The following GABRA5 variants were observed in gnomAD, a reference collection of about 807,000 sequenced individuals.
GABRA5 encodes gamma-aminobutyric acid receptor subunit alpha-5.
A neutral mutation model predicts 47.3 loss-of-function variants in GABRA5; 18 were observed. The ratio of observed to expected loss-of-function variants is 0.38; its 90% CI spans 0.26 to 0.56. The LOEUF (loss-of-function observed/expected upper bound fraction) is 0.56, where lower values mean the gene tolerates loss of function less well. GABRA5 is among the 20% of genes least tolerant of loss of function. The pLI, the probability that GABRA5 is intolerant of heterozygous loss-of-function variation, is 0.71. For missense variants in GABRA5, 365 were observed against 599.3 expected, an observed-to-expected ratio of 0.61 and a Z score of 4.08; for synonymous variants, 237 against 229.3, an observed-to-expected ratio of 1.03 and a Z score of -0.30.
intron 7 of GABRA5, 145 bp downstream of exon 7, chr15:26,915,030 C>T (rs933808603): frequency 7.2e-6 from 5 of 692,240 alleles, no homozygotes; most frequent in African/African-American, 1.8e-5. Flanking sequence ...ATTGTTCTCC[C>T]CAGACTAGCT....
chr15:26,921,870 GTTAT>G (rs1418606447), intron 7 of GABRA5, among the ~76,000 whole-genome samples: 1 of 151,978 alleles, frequency 6.6e-6, no homozygotes, highest in African/African-American at 2.4e-5. Context: ...TTAGATATAT[GTTAT>G]TTAGTTTCCA....
chr15:26,944,426 T>C (rs1236339846), intron 10 of GABRA5, among the ~76,000 whole-genome samples: 1 of 152,194 alleles, frequency 6.6e-6, no homozygotes, highest in Admixed American at 6.5e-5. Context: ...GAAGCCCCAC[T>C]TCCAAGCCTA....
intron 1 of GABRA5, among the ~76,000 whole-genome samples, chr15:26,868,364 C>T (rs1426381309): frequency 6.6e-6 from 1 of 151,148 alleles, no homozygotes; most frequent in Non-Finnish European, 1.5e-5. Flanking sequence ...CTCCCAATTC[C>T]GGAGTTTGCG....
chr15:26,904,083 GT>G (rs1162962771), intron 6 of GABRA5, among the ~76,000 whole-genome samples: 2 of 151,980 alleles, frequency 1.3e-5, no homozygotes, highest in African/African-American at 4.8e-5. Flanking sequence ...GTCTTGTAGG[GT>G]TTTTATAGTT....
chr15:26,887,604 G>A (rs768236198), intron 6 of GABRA5, among the ~76,000 whole-genome samples: 3 of 151,952 alleles, frequency 2.0e-5, no homozygotes, highest in Non-Finnish European at 2.9e-5. Flanking sequence ...CACCCACATC[G>A]GCCTCCCAAA....
intron 6 of GABRA5, among the ~76,000 whole-genome samples, chr15:26,898,800 T>A (rs1466287477): frequency 6.6e-6 from 1 of 152,114 alleles, no homozygotes; most frequent in Non-Finnish European, 1.5e-5. Context: ...AAATCGTTTT[T>A]CGTTTTTAAT....
intron 3 of GABRA5, among the ~76,000 whole-genome samples, chr15:26,876,245 G>A (rs1376965135): frequency 6.6e-6 from 1 of 152,262 alleles, no homozygotes; most frequent in East Asian, 1.9e-4. Context: ...GAATGTAGAG[G>A]TCTGGAGGAC....
chr15:26,889,214 A>G (rs1364082182), intron 6 of GABRA5, among the ~76,000 whole-genome samples: 3 of 152,192 alleles, frequency 2.0e-5, no homozygotes, highest in African/African-American at 7.2e-5. Flanking sequence ...GATTTTCCCC[A>G]TGAGTGGAAA....
chr15:26,896,422 GT>G, intron 6 of GABRA5, among the ~76,000 whole-genome samples: 1 of 152,250 alleles, frequency 6.6e-6, no homozygotes, highest in African/African-American at 2.4e-5. Context: ...AACCCAGTGG[GT>G]TTCAATTAAT....
At chr15:26,902,768 T>C (rs898927565) in intron 6 of GABRA5, among the ~76,000 whole-genome samples, 1 of 152,122 alleles carries the variant, frequency 6.6e-6, no homozygotes, top group Non-Finnish European at 1.5e-5. Flanking sequence ...TGATGTTAGC[T>C]GTAGGTTTAT....
intron 3 of GABRA5, among the ~76,000 whole-genome samples, chr15:26,870,088 G>T (rs1021189731): frequency 1.3e-5 from 2 of 152,208 alleles, no homozygotes; most frequent in African/African-American, 2.4e-5. Flanking sequence ...GAAGTTGATG[G>T]CATATAATTA....
At chr15:26,924,263 T>C (rs1019739104) in intron 7 of GABRA5, among the ~76,000 whole-genome samples, 4 of 151,268 alleles carry the variant, frequency 2.6e-5, no homozygotes, top group African/African-American at 9.7e-5. Flanking sequence ...CCTCTATTGA[T>C]ACAAGAGTTC....
intron 7 of GABRA5, among the ~76,000 whole-genome samples, chr15:26,930,895 CTTTTTTT>C (rs555799476): frequency 1.7e-5 from 2 of 115,036 alleles, no homozygotes; most frequent in African/African-American, 3.4e-5. Context: ...TCTTTCTTTT[CTTTTTTT>C]TTTTTTTTTT....
chr15:26,938,147 A>G (rs142898610), intron 8 of GABRA5, among the ~76,000 whole-genome samples: 1 of 152,356 alleles, frequency 6.6e-6, no homozygotes, highest in East Asian at 1.9e-4. Context: ...CCGAGCACAC[A>G]GGCCATTTAG....
rs34555853 is a variant in GABRA5, at chr15:26,884,018, C to CAA, written c.497+469_497+470dup. 4.1e-3 allele frequency among the ~76,000 whole-genome samples: 611 copies of CAA among 148,550 alleles called. 2 individuals are homozygous for CAA. Among genetic ancestry groups the CAA allele is most frequent in the African/African-American group, 0.013 (544 of 40,324 alleles). On this transcript the variant is annotated intron_variant, in intron 6 of 10. Transcript: ENST00000335625. ...CTTGTTTCTACCAAAAAAAAAGAAA[C>CAA]AAAAAAAAACAAAAAAGAAATTCAC...
At chr15:26,940,764 T>G (rs995347562) in intron 9 of GABRA5, among the ~76,000 whole-genome samples, 11 of 152,130 alleles carry the variant, frequency 7.2e-5, no homozygotes, top group African/African-American at 2.7e-4. Flanking sequence ...GCAGCATCAT[T>G]TTACATCCCT....
intron 6 of GABRA5, among the ~76,000 whole-genome samples, chr15:26,907,958 G>A (rs1291225995): frequency 1.3e-5 from 2 of 152,130 alleles, no homozygotes; most frequent in Non-Finnish European, 2.9e-5. Context: ...CAAATTTGGA[G>A]TTATTTTTAT....
intron 7 of GABRA5, among the ~76,000 whole-genome samples, chr15:26,934,846 A>G (rs974478270): frequency 5.9e-5 from 9 of 152,184 alleles, no homozygotes; most frequent in Admixed American, 2.6e-4. Context: ...TTGCAAGGCT[A>G]GGAGAGGACA....
At position 26,883,661 on chromosome 15, in the gene GABRA5, G is replaced by A; in HGVS notation, c.497+104G>A. 1 of 904,612 alleles carries A rather than the reference G, an allele frequency of 1.1e-6. No individual in the cohort carries two copies. The highest frequency in any genetic ancestry group is 1.6e-6 in the Non-Finnish European group (1 of 623,322). 56.0% of individuals were successfully genotyped at this position (904,612 alleles called of 1,614,324 possible). ...CGCCGCGGAGCTGTTCTGACCATAG[G>A]TCTGAGACTGCGGCGCGTGTGTGCT... On this transcript the variant is annotated intron_variant, in intron 6 of 10. Transcript: ENST00000335625. The surrounding 1 kb of genome is among the most constrained non-coding windows in gnomAD (Gnocchi z 4.8).
Sources: allele counts gnomAD v4.1 joint callset (sites outside exome capture counted in the v4.1 genomes callset), GRCh38; gene constraint gnomAD v4.1.1; non-coding constraint Gnocchi (gnomAD v3.1); transcripts MANE v1.5; gene names NCBI Gene and HGNC (gene_info 2026-07-23, HGNC 2026-07-21).